The following GADL1 variants were observed in gnomAD, a reference collection of about 807,000 sequenced individuals.
GADL1 encodes GAD like acidic amino acid decarboxylase 1.
Under a neutral mutation model 69.5 loss-of-function variants are expected in GADL1, and 71 were observed. The ratio of observed to expected loss-of-function variants is 1.02; its 90% confidence interval spans 0.84 to 1.25. The LOEUF is 1.25. Ranked by LOEUF, GADL1 falls within the 50% of genes most tolerant of loss-of-function variation. The probability of loss-of-function intolerance (pLI) is 0.00; values close to 1 mark genes in which losing one functional copy is unlikely to be tolerated. For synonymous variants in GADL1, 254 were observed against 214.4 expected (o/e 1.18, Z -1.62); for missense variants, 737 against 631.8 (o/e 1.17, Z -1.79).
intron 1 of GADL1, among the ~76,000 whole-genome samples, chr3:30,874,262 C>T (rs1389797393): frequency 6.6e-6 from 1 of 151,928 alleles, no homozygotes; most frequent in Non-Finnish European, 1.5e-5. Context: ...CACAGTAACA[C>T]AAACTACATT....
rs1397130851 is a variant in GADL1 at position 30,800,933 on chromosome 3, T to G, written c.1206A>C (p.Thr402=). ...KFWMTWKALG[T]LGLEERVNRA... is the part of the protein sequence containing the mutation. ...GATTAACTCTTTCTTCAAGGCCTAA[T>G]GTACCCAGGGCCTTCCAGGTCATCC... Residue 402 remains threonine (T), a synonymous_variant, in exon 12 of 15, where the codon ACA becomes ACC. Transcript: ENST00000282538. The G allele has an allele frequency of 1.2e-6, 2 of 1,613,314 alleles. No homozygotes were observed. Among genetic ancestry groups the G allele is most frequent in the Admixed American group, 1.7e-5 (1 of 59,978 alleles).
intron 6 of GADL1, among the ~76,000 whole-genome samples, chr3:30,844,766 A>C (rs777410798): frequency 2.0e-5 from 3 of 152,036 alleles, no homozygotes; most frequent in Non-Finnish European, 4.4e-5. Context: ...AATAATGCCT[A>C]CTCCATCTGC....
chr3:30,851,437 C>T lies in GADL1; in HGVS notation c.429-496G>A, dbSNP rs962811791. ...GCTTCCTCTACTACACTCTCTGTGTCTGTATAAATGAGGAGTGTTTTGTGA... is the reference window on the plus strand; with the variant it reads ...GCTTCCTCTACTACACTCTCTGTGTTTGTATAAATGAGGAGTGTTTTGTGA... On this transcript the variant is annotated intron_variant, in intron 4 of 14. Coordinates refer to ENST00000282538, the MANE Select transcript of GADL1 (RefSeq NM_207359.3). Among the ~76,000 whole-genome samples the T allele has an allele frequency of 4.6e-5, 7 of 152,176 alleles. No homozygotes were observed. The East Asian group carries it at 1.4e-3, about 29-fold the overall frequency.
At chr3:30,754,044 A>G (rs76565713) in intron 14 of GADL1, among the ~76,000 whole-genome samples, 3,559 of 152,294 alleles carry the variant, frequency 0.023, 125 homozygotes, top group African/African-American at 0.075. Context: ...TGTATTCTAT[A>G]TTTTCCACCT....
At chr3:30,788,116 A>G (rs982637696) in intron 12 of GADL1, among the ~76,000 whole-genome samples, 5 of 152,212 alleles carry the variant, frequency 3.3e-5, no homozygotes, top group African/African-American at 4.8e-5. Context: ...GAAGACATGT[A>G]GCTATAAAGT....
At chr3:30,846,020 A>C (rs1431313716) in intron 6 of GADL1, among the ~76,000 whole-genome samples, 1 of 152,000 alleles carries the variant, frequency 6.6e-6, no homozygotes, top group Non-Finnish European at 1.5e-5. Flanking sequence ...CTGAGGGCAA[A>C]ATACAACCCA....
At chr3:30,872,924 C>T (rs565574447) in intron 1 of GADL1, among the ~76,000 whole-genome samples, 1 of 151,942 alleles carries the variant, frequency 6.6e-6, no homozygotes, top group Non-Finnish European at 1.5e-5. Flanking sequence ...CCTTCAGAGT[C>T]TCTCATCTAT....
chr3:30,854,813 C>A, intron 3 of GADL1, 24 bp from the exon 4 acceptor site: 6 of 1,235,436 alleles, frequency 4.9e-6, no homozygotes, highest in Non-Finnish European at 6.9e-6. Flanking sequence ...ATGGAGTATT[C>A]ATCTATGCAG....
chr3:30,845,688 A>G (rs571111004), intron 6 of GADL1, among the ~76,000 whole-genome samples: 1 of 152,310 alleles, frequency 6.6e-6, no homozygotes, highest in Non-Finnish European at 1.5e-5. Flanking sequence ...GACCATATGC[A>G]TATTGAAGAG....
chr3:30,789,536 T>C (rs1696869614), intron 12 of GADL1, among the ~76,000 whole-genome samples: 1 of 152,218 alleles, frequency 6.6e-6, no homozygotes, highest in Non-Finnish European at 1.5e-5. Flanking sequence ...CAGCCTGTCT[T>C]TGAAGCTTTG....
chr3:30,822,576 ATATT>A (rs1321071175), intron 11 of GADL1, among the ~76,000 whole-genome samples: 1 of 152,082 alleles, frequency 6.6e-6, no homozygotes, highest in African/African-American at 2.4e-5. Flanking sequence ...GCCTAGATAT[ATATT>A]AATATGCATC....
At chr3:30,751,627 G>A (rs1695820514) in intron 14 of GADL1, among the ~76,000 whole-genome samples, 2 of 152,134 alleles carry the variant, frequency 1.3e-5, no homozygotes, top group East Asian at 1.9e-4. Context: ...TGTGAAAACT[G>A]AAAGACTGAA....
chr3:30,817,462 T>C lies in GADL1; in HGVS notation c.1051-16374A>G, dbSNP rs4438697. 0.012 allele frequency among the ~76,000 whole-genome samples: 1,852 copies of C among 152,334 alleles called. 168 individuals carry two copies. The East Asian group carries it at 0.25, about 21-fold the overall frequency. ...TCTACTTCCCTAGAGATTTTCCTTT[T>C]AGATTTCAATTGAACTTTTTAAGTG... On this transcript the variant is annotated intron_variant, in intron 11 of 14. Transcript: ENST00000282538.
intron 6 of GADL1, among the ~76,000 whole-genome samples, chr3:30,848,141 G>A (rs1698086486): frequency 6.6e-6 from 1 of 152,146 alleles, no homozygotes; most frequent in Non-Finnish European, 1.5e-5. Flanking sequence ...GCATGAAGAA[G>A]GAAACTCTAT....
intron 14 of GADL1, among the ~76,000 whole-genome samples, chr3:30,766,481 C>CT (rs1274530937): frequency 1.3e-5 from 2 of 152,220 alleles, no homozygotes; most frequent in Non-Finnish European, 2.9e-5. Flanking sequence ...GCCTGTCCCA[C>CT]TTAGCACTAT....
Position 30,778,280 on chromosome 3 carries a change from A to G in GADL1, c.1303-12T>C, listed in dbSNP as rs777831278. On this transcript the variant is annotated splice_polypyrimidine_tract_variant and intron_variant, in intron 13 of 14. Transcript: ENST00000282538. ...TTGGCATATTCAGGCTGAGAATTAG[A>G]AAAAATATAAAGTTGTTATCTTAAG... is the stretch of plus-strand genomic sequence containing the variant. The G allele has an allele frequency of 4.0e-6, 6 of 1,511,296 alleles. No individual in the cohort carries two copies. The highest frequency in any genetic ancestry group is 5.5e-6 in the Non-Finnish European group (6 of 1,090,462). 93.6% of individuals were successfully genotyped at this position (1,511,296 alleles called of 1,614,324 possible).
In GADL1 at chr3:30,758,431, CTCT is replaced by C. The variant is rs371198627; in HGVS notation, c.1392+19745_1392+19747del. 8.6e-3 allele frequency among the ~76,000 whole-genome samples: 1,314 copies of C among 152,226 alleles called. 62 individuals are homozygous for C. The East Asian group carries it at 0.14, about 16-fold the overall frequency. Reference sequence around the variant, plus strand: ...TGCCTTTTATCTTTCCCGTCTTCCCCTCTTCTCAGGAAGAACCACAATGATTGT... The same window carrying C: ...TGCCTTTTATCTTTCCCGTCTTCCCCTCTCAGGAAGAACCACAATGATTGT... On this transcript the variant is annotated intron_variant, in intron 14 of 14. Transcript: ENST00000282538.
intron 1 of GADL1, among the ~76,000 whole-genome samples, chr3:30,866,474 A>G (rs1698404566): frequency 6.6e-6 from 1 of 152,038 alleles, no homozygotes; most frequent in Non-Finnish European, 1.5e-5. Context: ...TAATAGTAAT[A>G]ATAGTACATA....
chr3:30,751,401 T>A (rs1460515224), intron 14 of GADL1, among the ~76,000 whole-genome samples: 5 of 152,022 alleles, frequency 3.3e-5, no homozygotes, highest in African/African-American at 1.2e-4. Flanking sequence ...GCTTTTTCTT[T>A]CCTTACTCCG....
Sources: gnomAD v4.1 joint callset for allele counts (sites outside exome capture counted in the v4.1 genomes callset) on GRCh38, gnomAD v4.1.1 for gene constraint, MANE v1.5 for transcripts, NCBI Gene and HGNC (gene_info 2026-07-23, HGNC 2026-07-21) for gene names.